ADAP1: variants seen among roughly 807,000 people sequenced by gnomAD.
The protein encoded by ADAP1 is arf-GAP with dual PH domain-containing protein 1.
Under a neutral mutation model 54.9 loss-of-function variants are expected in ADAP1, and 31 were observed. The observed-to-expected ratio is 0.56, with a 90% confidence interval of 0.42 to 0.76. The LOEUF is 0.76. Ranked by LOEUF, ADAP1 falls within the 30% of genes least tolerant of loss-of-function variation. The probability of loss-of-function intolerance (pLI) is 0.00; values close to 1 mark genes in which losing one functional copy is unlikely to be tolerated. For synonymous variants in ADAP1, 313 were observed against 202.6 expected (o/e 1.55, Z -4.63); for missense variants, 535 against 512.4 (o/e 1.04, Z -0.42).
intron 3 of ADAP1, among the ~76,000 whole-genome samples, chr7:924,931 G>A (rs535284243): frequency 6.6e-6 from 1 of 152,088 alleles, no homozygotes; most frequent in East Asian, 1.9e-4. Context: ...CCCCTGTGAG[G>A]GCTCAGGGGG....
chr7:935,553 G>A (rs1230634662), intron 1 of ADAP1, 48 bp from the exon 2 acceptor site: 2 of 1,547,678 alleles, frequency 1.3e-6, no homozygotes, highest in Non-Finnish European at 1.7e-6. Flanking sequence ...CAGGGACCCC[G>A]GAGGGAGGGT....
chr7:913,282 G>C (rs2128101781), intron 4 of ADAP1, among the ~76,000 whole-genome samples: 1 of 140,514 alleles, frequency 7.1e-6, no homozygotes, highest in East Asian at 2.2e-4. Context: ...CTCACTGCAA[G>C]CTCCACCTCC....
chr7:943,687 A>G (rs1280539138), intron 1 of ADAP1, among the ~76,000 whole-genome samples: 1 of 13,050 alleles, frequency 7.7e-5, no homozygotes, highest in African/African-American at 7.5e-4. Context: ...AGAGAGGAGG[A>G]GGAAGGGAGC....
At chr7:955,395 C>A (rs148870164), upstream of ADAP1, 960 of 1,550,082 alleles carry the variant, frequency 6.2e-4, 3 homozygotes, top group African/African-American at 0.011. Flanking sequence ...CGGCTGAAAA[C>A]AAACTGGAAC....
intron 6 of ADAP1, chr7:900,963 G>A (rs1176529205): frequency 5.6e-6 from 3 of 537,996 alleles, no homozygotes; most frequent in Non-Finnish European, 1.1e-5. Context: ...GCTGGGGCCT[G>A]GGCCAACTTG....
chr7:904,178 T>G lies in ADAP1; in HGVS notation c.596A>C (p.Tyr199Ser). The G allele has an allele frequency of 6.2e-7, 1 of 1,612,456 alleles. No homozygotes were observed. Among genetic ancestry groups the G allele is most frequent in the East Asian group, 2.2e-5 (1 of 44,826 alleles). ...GTTACGGGTGCTGTTGTCCTTCAGG[T>G]AGGTGACCTGCAGGCCGTGGGGGTG... ...IGHPHGLQVT[Y>S]LKDNSTRNIF... The change falls in exon 6 of 11, where the codon TAC (tyrosine) becomes TCC (serine). Residue 199 changes from tyrosine to serine, a missense_variant. By Grantham distance (144) the Tyr-to-Ser change is moderately radical. Transcript: ENST00000265846.
upstream of ADAP1, chr7:954,727 C>G: frequency 2.0e-6 from 2 of 980,972 alleles, no homozygotes; most frequent in Non-Finnish European, 2.4e-6. Flanking sequence ...CCGGCAAGGC[C>G]CGCGGGCGGC....
chr7:953,773 G>T (rs1168243606), intron 1 of ADAP1, among the ~76,000 whole-genome samples: 2 of 152,246 alleles, frequency 1.3e-5, no homozygotes, highest in Non-Finnish European at 2.9e-5. Flanking sequence ...AACCGAGTCA[G>T]GGATGCCCGG....
chr7:919,018 C>G (rs547704351), intron 4 of ADAP1, among the ~76,000 whole-genome samples: 3 of 152,066 alleles, frequency 2.0e-5, no homozygotes, highest in African/African-American at 7.3e-5. Context: ...GTGGGGAGAC[C>G]GAGGCTGGGG....
chr7:918,434 T>C (rs576539973), intron 4 of ADAP1, among the ~76,000 whole-genome samples: 257 of 152,326 alleles, frequency 1.7e-3, no homozygotes, highest in Non-Finnish European at 2.9e-3. Context: ...CAGGCTTGTT[T>C]GACCACCAGT....
At chr7:943,830 A>G (rs576443739) in intron 1 of ADAP1, among the ~76,000 whole-genome samples, 6 of 130,332 alleles carry the variant, frequency 4.6e-5, no homozygotes, top group African/African-American at 1.5e-4. Context: ...GGGAGAGAGG[A>G]GGAGGAAGGG....
rs1232440867 is a variant in ADAP1, at chr7:899,248, C to T, written c.881G>A (p.Arg294Gln). 7.4e-6 allele frequency: 12 copies of T among 1,612,724 alleles called. No homozygotes were observed. The highest frequency in any genetic ancestry group is 7.6e-6 in the Non-Finnish European group (9 of 1,179,942). ...YFKDPLDAFA[R>Q]GEVFIGSKES... ...CTTGCTGCCAATGAAGACTTCCCCTCGGGCGAAGGCGTCCTGTGGGTGGGG... is the reference window on the plus strand; with the variant it reads ...CTTGCTGCCAATGAAGACTTCCCCTTGGGCGAAGGCGTCCTGTGGGTGGGG... Residue 294 changes from arginine to glutamine, a missense_variant, in exon 10 of 11, where the codon CGA (arginine) becomes CAA (glutamine). Coordinates refer to ENST00000265846, the MANE Select transcript of ADAP1 (RefSeq NM_006869.4).
At chr7:900,756 C>G (rs1844761358) in intron 6 of ADAP1, 140 bp from the exon 7 acceptor site, 1 of 740,670 alleles carries the variant, frequency 1.4e-6, no homozygotes. Context: ...CAGCTCCCAG[C>G]AGTCCTGCCG....
At position 919,978 on chromosome 7, in the gene ADAP1, G is replaced by A; in HGVS notation, c.378C>T (p.Pro126=). ...QEFIYPEKQE[P]YSAGYREGFL... is the part of the protein sequence containing the mutation. ...CCCGGGTGGCCTCACCTGCCGAGTA[G>A]GGCTCCTGCTTCTCCGGGTAGATGA... is the stretch of plus-strand genomic sequence containing the variant. Residue 126 remains proline, a synonymous_variant, in exon 4 of 11, where the codon CCC becomes CCT. Transcript: ENST00000265846. The A allele has an allele frequency of 6.2e-7, 1 of 1,606,072 alleles. No individual in the cohort carries two copies. The highest frequency in any genetic ancestry group is 1.1e-5 in the South Asian group (1 of 90,946).
rs775255339 is a variant in ADAP1 at position 898,880 on chromosome 7, CCA to C, written c.*39_*40del. On this transcript the variant is annotated 3_prime_UTR_variant, in exon 11 of 11. Coordinates refer to ENST00000265846, the MANE Select transcript of ADAP1 (RefSeq NM_006869.4). ...CCATCCACGGGTCCCCTCCGTCCAG[CCA>C]CAGTGAGTCCAATGTCCGTGGTCCT... 2.2e-5 allele frequency: 34 copies of C among 1,574,986 alleles called. No individual in the cohort carries two copies. The highest frequency in any genetic ancestry group is 1.3e-4 in the Admixed American group (7 of 54,474).
At position 935,405 on chromosome 7, in the gene ADAP1, G is replaced by A; in HGVS notation, c.183C>T (p.Arg61=). 1 of 1,560,880 alleles carries A rather than the reference G, an allele frequency of 6.4e-7. No individual in the cohort carries two copies. The highest frequency in any genetic ancestry group is 8.7e-7 in the Non-Finnish European group (1 of 1,152,216). Residue 61 remains arginine, a synonymous_variant, in exon 2 of 11, where the codon CGC becomes CGT. Coordinates refer to ENST00000265846, the MANE Select transcript of ADAP1 (RefSeq NM_006869.4). The part of the protein sequence containing the change: ...IPQVSKVKSV[R]LDAWEEAQVE... ...CTTGGGCCTCCTCCCAGGCGTCCAG[G>A]CGGACGGACTTCACCTTGCTGACCT...
At chr7:899,535 G>C in intron 8 of ADAP1, 45 bp from the exon 9 acceptor site, 1 of 1,591,902 alleles carries the variant, frequency 6.3e-7, no homozygotes, top group Non-Finnish European at 8.6e-7. Flanking sequence ...GCCGAGGCAG[G>C]CCCTACATCC....
chr7:922,735 A>G (rs3808340), intron 3 of ADAP1, among the ~76,000 whole-genome samples: 3,304 of 152,050 alleles, frequency 0.022, 89 homozygotes, highest in East Asian at 0.12. Context: ...TACGTGGTGG[A>G]CCAGTGGCTC....
chr7:905,223 A>G (rs764867433), intron 4 of ADAP1, 51 bp from the exon 5 acceptor site: 4 of 1,421,740 alleles, frequency 2.8e-6, no homozygotes, highest in Non-Finnish European at 2.9e-6. Context: ...GGGGGAGGAA[A>G]CAAAAGGAGT....
Sources: allele counts gnomAD v4.1 joint callset (sites outside exome capture counted in the v4.1 genomes callset), GRCh38; gene constraint gnomAD v4.1.1; transcripts MANE v1.5; gene names NCBI Gene and HGNC (gene_info 2026-07-23, HGNC 2026-07-21).